MAD1L1: variants seen among roughly 807,000 people sequenced by gnomAD.
MAD1L1 encodes mitotic arrest deficient 1 like 1.
A neutral mutation model predicts 96.9 loss-of-function variants in MAD1L1; 95 were observed. That is an observed-to-expected ratio of 0.98 (90% confidence interval 0.83 to 1.16). The LOEUF is 1.16. Ranked by LOEUF, MAD1L1 falls within the 50% of genes most tolerant of loss-of-function variation. The pLI, the probability that MAD1L1 is intolerant of heterozygous loss-of-function variation, is 0.00. For missense variants in MAD1L1, 1,007 were observed against 954.4 expected, an observed-to-expected ratio of 1.06 and a Z score of -0.73; for synonymous variants, 473 against 396.6, an observed-to-expected ratio of 1.19 and a Z score of -2.29.
At chr7:2,183,081 G>T (rs1036756373) in intron 10 of MAD1L1, among the ~76,000 whole-genome samples, 4 of 152,046 alleles carry the variant, frequency 2.6e-5, no homozygotes, top group Admixed American at 1.3e-4. Flanking sequence ...AATTAGCCAG[G>T]TGTGGTGGCT....
intron 11 of MAD1L1, among the ~76,000 whole-genome samples, chr7:2,131,546 TC>T (rs1788510328): frequency 6.6e-6 from 1 of 152,180 alleles, no homozygotes; most frequent in Admixed American, 6.5e-5. Context: ...AGCTTGTCAG[TC>T]CCAGGGGACC....
intron 5 of MAD1L1, 81 bp downstream of exon 5, chr7:2,222,494 C>G (rs1464862364): frequency 1.6e-6 from 2 of 1,271,178 alleles, no homozygotes; most frequent in Non-Finnish European, 2.1e-6. Context: ...AAAACACAAG[C>G]GGGCACTGCA....
chr7:1,973,720 G>A (rs530244332), intron 15 of MAD1L1, among the ~76,000 whole-genome samples: 1 of 152,280 alleles, frequency 6.6e-6, no homozygotes, highest in South Asian at 2.1e-4. Flanking sequence ...CTGAGCCTCT[G>A]ACATGGGGTC....
intron 4 of MAD1L1, among the ~76,000 whole-genome samples, chr7:2,224,708 A>C (rs1276603442): frequency 6.6e-6 from 1 of 152,120 alleles, no homozygotes; most frequent in East Asian, 1.9e-4. Context: ...TCCACAACTG[A>C]TCAGCACTGA....
At chr7:1,983,906 A>G (rs543372398) in intron 14 of MAD1L1, among the ~76,000 whole-genome samples, 3 of 152,188 alleles carry the variant, frequency 2.0e-5, no homozygotes, top group Non-Finnish European at 4.4e-5. Flanking sequence ...TATTATTTCT[A>G]CCATTTTTCA....
chr7:1,908,564 G>T (rs1405949684), intron 17 of MAD1L1, among the ~76,000 whole-genome samples: 2 of 152,114 alleles, frequency 1.3e-5, no homozygotes, highest in African/African-American at 4.8e-5. Context: ...TATATTTTTA[G>T]GGTCTTTCTA....
intron 18 of MAD1L1, 91 bp downstream of exon 18, chr7:1,898,109 G>A (rs1786999930): frequency 2.9e-6 from 4 of 1,360,552 alleles, no homozygotes; most frequent in Non-Finnish European, 4.1e-6. Context: ...TGGACGCGAG[G>A]CTGCTCCTTT....
At position 1,968,620 on chromosome 7, in the gene MAD1L1, G is replaced by A. The variant is rs530352761; in HGVS notation, c.1506-10901C>T. 5.9e-5 allele frequency among the ~76,000 whole-genome samples: 9 copies of A among 152,294 alleles called. No individual in the cohort carries two copies. In the East Asian group the frequency reaches 1.3e-3, roughly 23 times the overall value. The stretch of plus-strand genomic sequence containing the variant: ...TCCGGCAGTCAGGTCCGCTGTCAAC[G>A]CCTCAGTCCAGCGGTCAGGTCCACC... On this transcript the variant is annotated intron_variant, in intron 15 of 18. Transcript: ENST00000265854. This position sits in a 1 kb window ranked among gnomAD's most constrained non-coding sequence, Gnocchi z 5.6.
At chr7:1,890,165 C>A (rs909985366) in intron 18 of MAD1L1, among the ~76,000 whole-genome samples, 2 of 152,154 alleles carry the variant, frequency 1.3e-5, no homozygotes, top group Admixed American at 6.5e-5. Context: ...CTCGGATCCC[C>A]GGGAGGGTCT....
intron 17 of MAD1L1, among the ~76,000 whole-genome samples, chr7:1,912,423 A>G (rs1265468418): frequency 6.6e-6 from 1 of 152,218 alleles, no homozygotes; most frequent in Non-Finnish European, 1.5e-5. Flanking sequence ...AGGTGTGGGC[A>G]CCAGGAGAGA....
In MAD1L1 at chr7:2,167,772, A is replaced by G. The variant is rs563325040; in HGVS notation, c.987-18534T>C. Reference sequence around the variant, plus strand: ...TATTTTAGACCAGGCATGATGGTGTATGCCTGTAATCCCAGCACTTTGGGA... The same window carrying G: ...TATTTTAGACCAGGCATGATGGTGTGTGCCTGTAATCCCAGCACTTTGGGA... On this transcript the variant is annotated intron_variant, in intron 10 of 18. Coordinates refer to ENST00000265854, the MANE Select transcript of MAD1L1 (RefSeq NM_001013836.2). 6.4e-4 allele frequency among the ~76,000 whole-genome samples: 98 copies of G among 152,166 alleles called. 3 individuals carry two copies. In the South Asian group the frequency reaches 0.019, roughly 30 times the overall value.
chr7:2,110,228 G>C (rs968552576), intron 11 of MAD1L1, among the ~76,000 whole-genome samples: 1 of 152,230 alleles, frequency 6.6e-6, no homozygotes. Context: ...CAGATGTCCA[G>C]ATGGCAGCAC....
chr7:2,000,429 C>T (rs1781741121), intron 14 of MAD1L1, among the ~76,000 whole-genome samples: 2 of 152,202 alleles, frequency 1.3e-5, no homozygotes, highest in Admixed American at 6.5e-5. Flanking sequence ...AAACCACAGC[C>T]CTGCCGTGAC....
intron 10 of MAD1L1, among the ~76,000 whole-genome samples, chr7:2,206,396 T>G (rs993336166): frequency 2.6e-5 from 4 of 152,244 alleles, no homozygotes; most frequent in Non-Finnish European, 5.9e-5. Context: ...TTGTAAGACC[T>G]CTTTGCCAAA....
At position 2,092,730 on chromosome 7, in the gene MAD1L1, C is replaced by T. The variant is rs4721391; in HGVS notation, c.1074-23392G>A. On this transcript the variant is annotated intron_variant, in intron 11 of 18. Transcript: ENST00000265854. ...TATCTGACTTGTAAATATTTTCTCCCATTCTGTGGTTTGTCTTTTCGTCCT... is the reference window on the plus strand; with the variant it reads ...TATCTGACTTGTAAATATTTTCTCCTATTCTGTGGTTTGTCTTTTCGTCCT... Among the ~76,000 whole-genome samples the T allele has an allele frequency of 6.1e-3, 924 of 152,272 alleles. 27 individuals are homozygous for T. In the East Asian group the frequency reaches 0.073, roughly 12 times the overall value.
Position 2,022,196 on chromosome 7 carries a change from T to C in MAD1L1, c.1219-7554A>G, listed in dbSNP as rs111679047. On this transcript the variant is annotated intron_variant, in intron 12 of 18. Transcript: ENST00000265854. ...GCAGCAATGTGTGGGGTGACGATGGTGCAGGGATGGGTGAAATGAAGCAGC... is the reference window on the plus strand; with the variant it reads ...GCAGCAATGTGTGGGGTGACGATGGCGCAGGGATGGGTGAAATGAAGCAGC... 1.6e-3 allele frequency among the ~76,000 whole-genome samples: 250 copies of C among 152,276 alleles called. 2 individuals are homozygous for C. Among genetic ancestry groups the C allele is most frequent in the African/African-American group, 5.7e-3 (235 of 41,550 alleles).
chr7:2,187,284 G>T (rs1220884517), intron 10 of MAD1L1, among the ~76,000 whole-genome samples: 1 of 152,064 alleles, frequency 6.6e-6, no homozygotes, highest in African/African-American at 2.4e-5. Context: ...AGAAGGTTGA[G>T]GTTGCAGTGA....
chr7:1,854,480 T>C (rs7810038), intron 18 of MAD1L1: 145,212 of 407,716 alleles, frequency 0.36, 27,291 homozygotes, highest in African/African-American at 0.49. Context: ...GCAGACTTGG[T>C]GTTTGGTGAT....
chr7:2,151,522 G>A (rs966666150), intron 10 of MAD1L1, among the ~76,000 whole-genome samples: 18 of 152,224 alleles, frequency 1.2e-4, no homozygotes, highest in Non-Finnish European at 1.8e-4. Context: ...CACACTGCCT[G>A]CCACCTCCCT....
Sources: gnomAD v4.1 joint callset for allele counts (sites outside exome capture counted in the v4.1 genomes callset) on GRCh38, gnomAD v4.1.1 for gene constraint, Gnocchi (gnomAD v3.1) non-coding constraint, MANE v1.5 for transcripts, NCBI Gene and HGNC (gene_info 2026-07-23, HGNC 2026-07-21) for gene names.